Variants in TRIM3 observed in about 807,000 individuals in gnomAD.
The protein encoded by TRIM3 is tripartite motif-containing protein 3.
In TRIM3, 13 loss-of-function variants were observed where a neutral mutation model predicts 66.6. The observed-to-expected ratio is 0.20, with a 90% CI of 0.13 to 0.31. The LOEUF is 0.31. Among genes scored for constraint, TRIM3 ranks in the 10% least tolerant of loss-of-function variants. The pLI is 1.00. For synonymous variants in TRIM3, 406 were observed against 411.7 expected (o/e 0.99, Z 0.17); for missense variants, 711 against 1,020.4 (o/e 0.70, Z 4.13).
In TRIM3 at chr11:6,457,791, G is replaced by C. The variant is rs138392059; in HGVS notation, c.420C>G (p.Ala140=). The change falls in exon 4 of 12, where the codon GCC becomes GCG. Residue 140 remains alanine (A), a synonymous_variant. Coordinates refer to ENST00000345851, the MANE Select transcript of TRIM3 (RefSeq NM_033278.4). The surrounding 1 kb of genome is among the most constrained non-coding windows in gnomAD (Gnocchi z 4.5). ...CTGTGCCATGCTCACGATGCTCCCC[G>C]GCGCGGCACTCACCACACATGGCCG... ...CETAMCGECR[A]GEHREHGTVL... is the part of the protein sequence containing the mutation. The C allele has an allele frequency of 2.9e-4, 466 of 1,614,176 alleles. No homozygotes were observed. The highest frequency in any genetic ancestry group is 3.9e-4 in the Non-Finnish European group (456 of 1,180,020).
chr11:6,458,106 C>T lies in TRIM3; in HGVS notation c.322G>A (p.Val108Met). The change falls in exon 3 of 12, where the codon GTG becomes ATG. Residue 108 changes from valine (V) to methionine (M), a missense_variant. By Grantham distance (21) the Val-to-Met change is conservative (BLOSUM62 1). This residue lies in a region of TRIM3 where 149 missense variants were observed against 240.3 expected (regional missense o/e 0.62). Transcript: ENST00000345851. The surrounding 1 kb of genome is among the most constrained non-coding windows in gnomAD (Gnocchi z 6.2). ...GGGCAGGAGAGAGGGCGGCCAGCCA[C>T]TACACTGAGGGGGTGGGGGTCCTCC... is the stretch of plus-strand genomic sequence containing the variant. The part of the protein sequence containing the change: ...DPEDPHPLSV[V>M]AGRPLSCPNH... 1.2e-6 allele frequency: 2 copies of T among 1,613,214 alleles called. No individual in the cohort carries two copies. The highest frequency in any genetic ancestry group is 1.7e-6 in the Non-Finnish European group (2 of 1,179,892).
chr11:6,468,539 G>C (rs1850558111), intron 1 of TRIM3, among the ~76,000 whole-genome samples: 1 of 152,160 alleles, frequency 6.6e-6, no homozygotes, highest in African/African-American at 2.4e-5. Flanking sequence ...GAAATGGTAG[G>C]AAAACCAAAA....
In TRIM3 at chr11:6,458,493, C is replaced by A. The variant is rs1456991196; in HGVS notation, c.132-197G>T. On this transcript the variant is annotated intron_variant, in intron 2 of 11. Transcript: ENST00000345851. The surrounding 1 kb of genome is among the most constrained non-coding windows in gnomAD (Gnocchi z 6.2). The stretch of plus-strand genomic sequence containing the variant: ...CCTTACAACTGAGTAGGAACACACC[C>A]CGACCCCTCTCAGAAGAGCAGACTA... 6.6e-6 allele frequency among the ~76,000 whole-genome samples: 1 copy of A among 152,150 alleles called. No homozygotes were observed.
intron 2 of TRIM3, among the ~76,000 whole-genome samples, chr11:6,460,898 CTTTTTTTT>C (rs771919613): frequency 2.6e-4 from 19 of 74,280 alleles, no homozygotes; most frequent in Non-Finnish European, 3.7e-4. Context: ...TTTTTGGTGG[CTTTTTTTT>C]TTTTTTTTTT....
intron 2 of TRIM3, among the ~76,000 whole-genome samples, chr11:6,460,684 C>T (rs1850187409): frequency 1.3e-5 from 2 of 152,144 alleles, no homozygotes; most frequent in African/African-American, 2.4e-5. Context: ...GACATCAGAA[C>T]TGAAGGCAGC....
Position 6,448,813 on chromosome 11 carries a change from G to A in TRIM3, c.*215C>T. On this transcript the variant is annotated 3_prime_UTR_variant, in exon 12 of 12. Transcript: ENST00000345851. ...GGGTGAAGCTCTGCACACATCCTTG[G>A]GACCACAGTCCAGGCTCACCCAGTC... is the stretch of plus-strand genomic sequence containing the variant. 3.2e-6 allele frequency: 2 copies of A among 628,418 alleles called. No individual in the cohort carries two copies. Among genetic ancestry groups the A allele is most frequent in the South Asian group, 3.8e-5 (2 of 53,160 alleles). 38.9% of individuals were successfully genotyped at this position (628,418 alleles called of 1,614,324 possible).
chr11:6,470,324 T>C (rs1212684258), intron 1 of TRIM3, among the ~76,000 whole-genome samples: 1 of 152,220 alleles, frequency 6.6e-6, no homozygotes, highest in Non-Finnish European at 1.5e-5. Context: ...TAACAGATGA[T>C]TCTTTGGAAA....
rs200914624 is a variant in TRIM3, at chr11:6,457,524, G to A, written c.516-48C>T. On this transcript the variant is annotated intron_variant, in intron 4 of 11. Coordinates refer to ENST00000345851, the MANE Select transcript of TRIM3 (RefSeq NM_033278.4). This position sits in a 1 kb window ranked among gnomAD's most constrained non-coding sequence, Gnocchi z 4.5. The stretch of plus-strand genomic sequence containing the variant: ...CAGAGTTGCTGAGGGTGGCTTTGCC[G>A]AACTTTCCCTTCTCCCTGGGGAACC... The A allele has an allele frequency of 2.2e-3, 3,515 of 1,594,586 alleles. 5 individuals are homozygous for A. Among genetic ancestry groups the A allele is most frequent in the Non-Finnish European group, 2.7e-3 (3,174 of 1,169,034 alleles).
At chr11:6,453,903 G>C (rs1319803958) in intron 7 of TRIM3, among the ~76,000 whole-genome samples, 2 of 152,194 alleles carry the variant, frequency 1.3e-5, no homozygotes, top group African/African-American at 4.8e-5. Flanking sequence ...GCCCATGCCA[G>C]CCCTAAGGAC....
At chr11:6,451,151 A>C (rs1849701493) in intron 8 of TRIM3, 91 bp from the exon 9 acceptor site, 12 of 1,590,218 alleles carry the variant, frequency 7.5e-6, no homozygotes, top group Admixed American at 3.4e-5. Context: ...TGGGCTGGGG[A>C]AAGAACAGGG....
chr11:6,464,093 G>C (rs1850349188), intron 2 of TRIM3, among the ~76,000 whole-genome samples: 1 of 152,160 alleles, frequency 6.6e-6, no homozygotes, highest in Non-Finnish European at 1.5e-5. Flanking sequence ...GGGCCCAAGA[G>C]AATATTGTCA....
intron 7 of TRIM3, among the ~76,000 whole-genome samples, chr11:6,454,382 G>C (rs1372044576): frequency 2.2e-5 from 2 of 89,910 alleles, no homozygotes; most frequent in African/African-American, 8.3e-5. Context: ...CAGAGACCCT[G>C]TCTCAAAAAA....
At position 6,457,382 on chromosome 11, in the gene TRIM3, C is replaced by T. The variant is rs1203206307; in HGVS notation, c.610G>A (p.Ala204Thr). ...KAEALAQISA[A>T]FEDLEQALQQ... is the part of the protein sequence containing the mutation. Reference sequence around the variant, plus strand: ...AGTGCTTGCTCCAGGTCCTCGAACGCTGCACTGATCTGGGCCAGGGCCTCT... The same window carrying T: ...AGTGCTTGCTCCAGGTCCTCGAACGTTGCACTGATCTGGGCCAGGGCCTCT... The change falls in exon 5 of 12, where the codon GCG (alanine) becomes ACG (threonine). Residue 204 changes from alanine (A) to threonine (T), a missense_variant. Transcript: ENST00000345851. This position sits in a 1 kb window ranked among gnomAD's most constrained non-coding sequence, Gnocchi z 4.5. 2 of 1,613,906 alleles carry T rather than the reference C, an allele frequency of 1.2e-6. No individual in the cohort carries two copies. Among genetic ancestry groups the T allele is most frequent in the East Asian group, 2.2e-5 (1 of 44,884 alleles).
chr11:6,462,302 G>A (rs1850280890), intron 2 of TRIM3, among the ~76,000 whole-genome samples: 1 of 152,222 alleles, frequency 6.6e-6, no homozygotes, highest in African/African-American at 2.4e-5. Flanking sequence ...GGGACCAAGG[G>A]ATACATGAAT....
intron 7 of TRIM3, among the ~76,000 whole-genome samples, chr11:6,453,733 A>G (rs965654624): frequency 1.3e-5 from 2 of 152,214 alleles, no homozygotes; most frequent in African/African-American, 4.8e-5. Flanking sequence ...GAATCACAAA[A>G]TGTTTTTTGT....
At chr11:6,451,645 T>G (rs1849723807) in intron 7 of TRIM3, 1 of 581,220 alleles carries the variant, frequency 1.7e-6, no homozygotes, top group African/African-American at 1.9e-5. Flanking sequence ...CATGAAGGGA[T>G]GAAGGGGAAT....
Position 6,448,637 on chromosome 11 carries a change from A to G in TRIM3, c.*391T>C. ...ATCTTGGTGAAGACATTTATTTAAT[A>G]TGGGGGGTGGGGTATTGCTGTCTCT... On this transcript the variant is annotated 3_prime_UTR_variant, in exon 12 of 12. Coordinates refer to ENST00000345851, the MANE Select transcript of TRIM3 (RefSeq NM_033278.4). 2.4e-6 allele frequency: 1 copy of G among 414,874 alleles called. No homozygotes were observed. Among genetic ancestry groups the G allele is most frequent in the Non-Finnish European group, 4.3e-6 (1 of 229,950 alleles). The allele number at this position is 414,874 out of a possible 1,614,324, so 25.7% of individuals were successfully genotyped here. A position where few individuals can be genotyped will look rare whatever the true frequency, so the allele number is the denominator to read the frequency against.
intron 1 of TRIM3, among the ~76,000 whole-genome samples, chr11:6,468,485 G>A (rs908629612): frequency 6.6e-6 from 1 of 152,234 alleles, no homozygotes; most frequent in African/African-American, 2.4e-5. Flanking sequence ...CCTGGCACAA[G>A]AGAGGGGAGC....
intron 2 of TRIM3, among the ~76,000 whole-genome samples, chr11:6,463,693 G>C (rs567033555): frequency 1.3e-5 from 2 of 152,140 alleles, no homozygotes; most frequent in Admixed American, 1.3e-4. Flanking sequence ...GTGGGGTAAC[G>C]GGAGCCAGGA....
Sources: allele counts gnomAD v4.1 joint callset (sites outside exome capture counted in the v4.1 genomes callset), GRCh38; gene constraint gnomAD v4.1.1; regional missense constraint gnomAD v4.1.1; non-coding constraint Gnocchi (gnomAD v3.1); transcripts MANE v1.5; gene names NCBI Gene and HGNC (gene_info 2026-07-23, HGNC 2026-07-21).